Variants in COL15A1 observed in about 807,000 individuals in gnomAD.
COL15A1 encodes the protein collagen type XV alpha 1 chain.
COL15A1 carries 111 observed loss-of-function variants against 165.9 expected under a neutral mutation model. The observed-to-expected ratio is 0.67, with a 90% CI of 0.57 to 0.78. The LOEUF is 0.78. Among genes scored for constraint, COL15A1 ranks in the 30% least tolerant of loss-of-function variants. The pLI, the probability that COL15A1 is intolerant of heterozygous loss-of-function variation, is 0.00. For missense variants in COL15A1, 1,745 were observed against 1,789.7 expected, an observed-to-expected ratio of 0.98 and a Z score of 0.45; for synonymous variants, 659 against 674.8, an observed-to-expected ratio of 0.98 and a Z score of 0.36.
intron 3 of COL15A1, 71 bp from the exon 4 acceptor site, chr9:98,987,223 A>G: frequency 2.1e-6 from 3 of 1,458,518 alleles, no homozygotes; most frequent in Admixed American, 3.5e-5. Flanking sequence ...TGCCAAAACA[A>G]TCATGTCTTC....
intron 2 of COL15A1, among the ~76,000 whole-genome samples, chr9:98,954,683 T>C (rs1174047813): frequency 6.6e-6 from 1 of 152,204 alleles, no homozygotes; most frequent in African/African-American, 2.4e-5. Flanking sequence ...CTAAAACAAA[T>C]AGTTGGGTCT....
chr9:99,003,635 T>G, intron 8 of COL15A1, 48 bp downstream of exon 8: 1 of 1,445,940 alleles, frequency 6.9e-7, no homozygotes, highest in Non-Finnish European at 9.1e-7. Context: ...TCTGGGGTTG[T>G]GGGTTGTGTT....
intron 2 of COL15A1, among the ~76,000 whole-genome samples, chr9:98,952,638 TG>T (rs1472176759): frequency 6.6e-6 from 1 of 152,054 alleles, no homozygotes; most frequent in African/African-American, 2.4e-5. Context: ...CCTCCCAACT[TG>T]GCCTCCCAAA....
At chr9:98,949,705 C>T (rs972131797) in intron 2 of COL15A1, among the ~76,000 whole-genome samples, 1 of 152,172 alleles carries the variant, frequency 6.6e-6, no homozygotes, top group African/African-American at 2.4e-5. Flanking sequence ...CATTATATAA[C>T]AGTAACCATT....
intron 12 of COL15A1, among the ~76,000 whole-genome samples, chr9:99,021,463 A>G (rs1839025979): frequency 6.6e-6 from 1 of 152,172 alleles, no homozygotes; most frequent in Non-Finnish European, 1.5e-5. Flanking sequence ...CTTATTTGTC[A>G]GAGAAGCCAC....
At chr9:99,011,644 GA>G (rs1489549684) in intron 9 of COL15A1, among the ~76,000 whole-genome samples, 1 of 151,636 alleles carries the variant, frequency 6.6e-6, no homozygotes, top group Non-Finnish European at 1.5e-5. Flanking sequence ...CTTTTTTTTA[GA>G]AAGAATGTTT....
At chr9:99,044,688 T>C (rs1564080531) in intron 25 of COL15A1, 47 bp from the exon 26 acceptor site, 1 of 1,612,696 alleles carries the variant, frequency 6.2e-7, no homozygotes, top group East Asian at 2.2e-5. Context: ...GCTTTGCATC[T>C]TTGTTTCTGT....
At chr9:98,975,917 G>A (rs1021827331) in intron 2 of COL15A1, among the ~76,000 whole-genome samples, 1 of 152,222 alleles carries the variant, frequency 6.6e-6, no homozygotes, top group Non-Finnish European at 1.5e-5. Context: ...AGAAGATGGG[G>A]AAGAGTGATG....
At chr9:99,024,320 G>T (rs1389340045) in intron 14 of COL15A1, among the ~76,000 whole-genome samples, 1 of 128,448 alleles carries the variant, frequency 7.8e-6, no homozygotes, top group Admixed American at 8.2e-5. Context: ...TTGCTCTGTC[G>T]CCCAGGCTGG....
chr9:98,978,651 C>A (rs1227509408), intron 2 of COL15A1, among the ~76,000 whole-genome samples: 1 of 151,720 alleles, frequency 6.6e-6, no homozygotes, highest in Non-Finnish European at 1.5e-5. Flanking sequence ...TTCTTTCTTT[C>A]TGTACAAAGA....
rs776946135 is a variant in COL15A1 at position 99,042,126 on chromosome 9, T to C, written c.2574+19T>C. ...AGAACAGGTAAGAGGGGCCCAGGTA[T>C]CTGAGTGAGATTGGGCGCTGGAATT... On this transcript the variant is annotated intron_variant, in intron 24 of 41. Transcript: ENST00000375001. 6.3e-7 allele frequency: 1 copy of C among 1,587,958 alleles called. No homozygotes were observed.
intron 2 of COL15A1, among the ~76,000 whole-genome samples, chr9:98,972,322 T>C (rs1180820349): frequency 6.6e-6 from 1 of 152,060 alleles, no homozygotes; most frequent in Non-Finnish European, 1.5e-5. Context: ...TGAAAGACTC[T>C]GATTCCATAG....
Position 99,044,738 on chromosome 9 carries a change from G to C in COL15A1, c.2647G>C (p.Glu883Gln). The C allele has an allele frequency of 6.2e-6, 10 of 1,613,890 alleles. No individual in the cohort carries two copies. The Admixed American group carries it at 6.7e-5, about 11-fold the overall frequency. Residue 883 changes from glutamate (E) to glutamine (Q), a missense_variant, in exon 26 of 42, where the codon GAA becomes CAA. Glu to Gln is a conservative substitution (Grantham distance 29). Transcript: ENST00000375001. Reference protein sequence around the residue: ...PLERLMGKKGEPGMHGAPGPM... With the variant: ...PLERLMGKKGQPGMHGAPGPM... ...AGTATATATCTTCCTGTTTTAGGGT[G>C]AACCTGGAATGCATGGAGCCCCAGG... is the stretch of plus-strand genomic sequence containing the variant.
chr9:98,991,099 A>C (rs1435899161), intron 5 of COL15A1, among the ~76,000 whole-genome samples: 1 of 152,102 alleles, frequency 6.6e-6, no homozygotes, highest in East Asian at 1.9e-4. Flanking sequence ...CTGCAGACCC[A>C]CCCCATGAGT....
intron 2 of COL15A1, among the ~76,000 whole-genome samples, chr9:98,948,596 CAAAAAAAA>C (rs67986686): frequency 9.9e-6 from 1 of 100,530 alleles, no homozygotes; most frequent in South Asian, 3.8e-4. Flanking sequence ...GACTCTGTCT[CAAAAAAAA>C]AAAAAAAAAA....
rs768258987 is a variant in COL15A1, at chr9:99,036,414, C to G, written c.2409+18C>G. ...TGTCTAATGTGAGTATCATTCAGGT[C>G]AGAGCTTGTCTACATATTTTCCACC... On this transcript the variant is annotated intron_variant, in intron 21 of 41. Transcript: ENST00000375001. 6.2e-7 allele frequency: 1 copy of G among 1,612,374 alleles called. No homozygotes were observed. Among genetic ancestry groups the G allele is most frequent in the Non-Finnish European group, 8.5e-7 (1 of 1,178,772 alleles).
intron 2 of COL15A1, among the ~76,000 whole-genome samples, chr9:98,979,945 C>G (rs1838208450): frequency 6.6e-6 from 1 of 152,024 alleles, no homozygotes; most frequent in Non-Finnish European, 1.5e-5. Context: ...ATCACTGATT[C>G]CAGGAGCTCG....
chr9:98,985,931 T>C lies in COL15A1; in HGVS notation c.467T>C (p.Val156Ala). ...SQEAAAFSVP[V>A]MTHRWNRFAM... ...GAGGCTGCTGCCTTCTCGGTGCCTG[T>C]GATGACCCACAGGTGGAACCGCTTC... Residue 156 changes from valine (V) to alanine (A), a missense_variant, in exon 3 of 42, where the codon GTG becomes GCG. Transcript: ENST00000375001. 5 of 1,613,946 alleles carry C rather than the reference T, an allele frequency of 3.1e-6. No homozygotes were observed. The highest frequency in any genetic ancestry group is 4.2e-6 in the Non-Finnish European group (5 of 1,180,006).
intron 12 of COL15A1, among the ~76,000 whole-genome samples, chr9:99,021,746 G>A (rs1259571048): frequency 6.6e-6 from 1 of 152,186 alleles, no homozygotes; most frequent in Non-Finnish European, 1.5e-5. Flanking sequence ...GCAGGCTTCA[G>A]GGGAGTCCAC....
Sources: gnomAD v4.1 joint callset for allele counts (sites outside exome capture counted in the v4.1 genomes callset) on GRCh38, gnomAD v4.1.1 for gene constraint, MANE v1.5 for transcripts, NCBI Gene and HGNC (gene_info 2026-07-23, HGNC 2026-07-21) for gene names.